Variants in VRK3 observed in about 807,000 individuals in gnomAD.
The protein encoded by VRK3 is serine/threonine-protein kinase VRK3.
A neutral mutation model predicts 60.4 loss-of-function variants in VRK3; 50 were observed. The ratio of observed to expected loss-of-function variants is 0.83; its 90% CI spans 0.66 to 1.05. The LOEUF is 1.05. Ranked by LOEUF, VRK3 falls within the 50% of genes least tolerant of loss-of-function variation. VRK3 has a pLI of 0.00. For synonymous variants in VRK3, 246 were observed against 227.8 expected (o/e 1.08, Z -0.72); for missense variants, 549 against 585.3 (o/e 0.94, Z 0.64).
chr19:50,015,157 G>A (rs940695833), intron 3 of VRK3, among the ~76,000 whole-genome samples: 2 of 152,082 alleles, frequency 1.3e-5, no homozygotes, highest in African/African-American at 4.8e-5. Context: ...AGGAGCTCAG[G>A]TGAAGGCATG....
intron 3 of VRK3, among the ~76,000 whole-genome samples, chr19:50,012,383 C>G (rs935103722): frequency 2.0e-5 from 3 of 152,192 alleles, no homozygotes; most frequent in Non-Finnish European, 4.4e-5. Flanking sequence ...TTCAGTTCCC[C>G]TCTGTTATCA....
chr19:50,009,276 AG>A lies in VRK3; in HGVS notation c.248del (p.Ser83LeufsTer7), dbSNP rs781693857. 8 of 1,614,220 alleles carry A rather than the reference AG, an allele frequency of 5.0e-6. No homozygotes were observed. The Admixed American group carries it at 1.3e-4, about 27-fold the overall frequency. On this transcript the variant is annotated frameshift_variant, in exon 4 of 15. Coordinates refer to ENST00000316763, the MANE Select transcript of VRK3 (RefSeq NM_016440.4). LOFTEE classifies it high-confidence loss of function. ...AGGAACTCAGAGTATCTTCAGACTCAGAACTGTCACCATCTGAGAAGAGGGA... is the reference window on the plus strand; with the variant it reads ...AGGAACTCAGAGTATCTTCAGACTCAAACTGTCACCATCTGAGAAGAGGGA... ...RLSLFSDGDS[S>X]ESEDTLSSSE...
chr19:49,980,858 A>G, intron 13 of VRK3, 97 bp downstream of exon 13: 1 of 1,105,660 alleles, frequency 9.0e-7, no homozygotes, highest in South Asian at 1.5e-5. Context: ...AAAACTAAAA[A>G]AAATGAAGAG....
At chr19:50,008,590 G>A (rs2076941746) in intron 4 of VRK3, among the ~76,000 whole-genome samples, 1 of 152,184 alleles carries the variant, frequency 6.6e-6, no homozygotes, top group South Asian at 2.1e-4. Context: ...TGGGCAGAGG[G>A]TATATACACT....
At chr19:49,998,323 C>T (rs2122217167) in intron 6 of VRK3, 1 of 151,964 alleles carries the variant, frequency 6.6e-6, no homozygotes, top group Admixed American at 6.6e-5. Context: ...CCTGCCTCTA[C>T]TAAAAATACG....
chr19:49,994,719 T>A (rs1319961964), intron 9 of VRK3, 95 bp downstream of exon 9: 2 of 1,084,032 alleles, frequency 1.8e-6, no homozygotes, highest in Non-Finnish European at 2.7e-6. Flanking sequence ...CGGAGGGGGG[T>A]GGGGGCCGGA....
rs760187069 is a variant in VRK3, at chr19:49,995,174, T to C, written c.764+17A>G. The C allele has an allele frequency of 1.2e-6, 2 of 1,613,534 alleles. No homozygotes were observed. The highest frequency in any genetic ancestry group is 1.7e-6 in the Non-Finnish European group (2 of 1,179,554). ...GGAAAGAGGCCGGTGAGGCAAGCAG[T>C]GAGCAGAGCAGCTCACCTGTATTTG... On this transcript the variant is annotated intron_variant, in intron 8 of 14. Coordinates refer to ENST00000316763, the MANE Select transcript of VRK3 (RefSeq NM_016440.4).
At chr19:49,983,379 C>T (rs1307262316) in intron 12 of VRK3, among the ~76,000 whole-genome samples, 2 of 152,254 alleles carry the variant, frequency 1.3e-5, no homozygotes, top group Non-Finnish European at 1.5e-5. Context: ...CCCAAGAAGT[C>T]TTCCCCAGAC....
intron 10 of VRK3, among the ~76,000 whole-genome samples, chr19:49,991,347 C>G (rs920060575): frequency 1.3e-5 from 2 of 152,144 alleles, no homozygotes; most frequent in East Asian, 3.9e-4. Context: ...TTGGTCTTTT[C>G]CTGCCTTTGG....
At chr19:49,998,068 G>GA (rs2076736319) in intron 6 of VRK3, 2 of 152,392 alleles carry the variant, frequency 1.3e-5, no homozygotes, top group Non-Finnish European at 2.9e-5. Context: ...CAAAAAGAAG[G>GA]AAACAGGGCC....
intron 12 of VRK3, among the ~76,000 whole-genome samples, chr19:49,981,445 T>C (rs879584657): frequency 1.3e-4 from 20 of 152,248 alleles, no homozygotes; most frequent in Admixed American, 1.2e-3. Flanking sequence ...CTCGGGAGGC[T>C]GAGGCAGGAG....
intron 2 of VRK3, chr19:50,019,421 G>C (rs2077131313): frequency 6.6e-6 from 1 of 151,060 alleles, no homozygotes; most frequent in African/African-American, 2.4e-5. Context: ...CTGGAAAGTT[G>C]TATTAGCGAG....
At chr19:50,024,314 A>G (rs940278984) in intron 1 of VRK3, among the ~76,000 whole-genome samples, 1 of 152,206 alleles carries the variant, frequency 6.6e-6, no homozygotes, top group Non-Finnish European at 1.5e-5. Flanking sequence ...TAAGTATATG[A>G]TTTGCACAAC....
chr19:50,023,323 T>G (rs2077200813), intron 1 of VRK3, among the ~76,000 whole-genome samples: 1 of 152,234 alleles, frequency 6.6e-6, no homozygotes, highest in African/African-American at 2.4e-5. Context: ...GTAGTTGGGA[T>G]TACAGATGCG....
intron 12 of VRK3, 44 bp from the exon 13 acceptor site, chr19:49,981,057 A>C (rs998019085): frequency 1.3e-6 from 2 of 1,576,966 alleles, no homozygotes; most frequent in African/African-American, 2.7e-5. Flanking sequence ...TAGGGAAAGG[A>C]GAGCAACCTT....
At chr19:49,984,939 G>C (rs886754035) in intron 12 of VRK3, among the ~76,000 whole-genome samples, 1 of 152,120 alleles carries the variant, frequency 6.6e-6, no homozygotes, top group Non-Finnish European at 1.5e-5. Flanking sequence ...CTATTCCTTG[G>C]GCACCCACAA....
At chr19:50,013,245 T>C (rs1165354829) in intron 3 of VRK3, among the ~76,000 whole-genome samples, 1 of 152,178 alleles carries the variant, frequency 6.6e-6, no homozygotes, top group Admixed American at 6.5e-5. Context: ...TGCCTGGAAC[T>C]GTGGAGATGA....
rs937491646 is a variant in VRK3, at chr19:49,991,518, T to TACACAC, written c.963+1336_963+1341dup. Among the ~76,000 whole-genome samples the TACACAC allele has an allele frequency of 9.1e-3, 1,378 of 150,812 alleles. 15 individuals carry two copies. The highest frequency in any genetic ancestry group is 0.032 in the African/African-American group (1,312 of 40,878). ...AAGCCAATTCCTTATAATAAATCTC[T>TACACAC]ACACACACACACACACGCACACACA... On this transcript the variant is annotated intron_variant, in intron 10 of 14. Transcript: ENST00000316763.
chr19:49,982,173 T>G, intron 12 of VRK3: 1 of 703,002 alleles, frequency 1.4e-6, no homozygotes, highest in Non-Finnish European at 2.6e-6. Flanking sequence ...TACATTAAAA[T>G]GAATCCCAAG....
Sources: gnomAD v4.1 joint callset for allele counts (sites outside exome capture counted in the v4.1 genomes callset) on GRCh38, gnomAD v4.1.1 for gene constraint, MANE v1.5 for transcripts, NCBI Gene and HGNC (gene_info 2026-07-23, HGNC 2026-07-21) for gene names.